The following AKT3 variants were observed in gnomAD, a reference collection of about 807,000 sequenced individuals.
The protein encoded by AKT3 is AKT serine/threonine kinase 3, also known as RAC-gamma serine/threonine-protein kinase.
A neutral mutation model predicts 65.3 loss-of-function variants in AKT3; 15 were observed. That is an observed-to-expected ratio of 0.23 (90% CI 0.15 to 0.35). AKT3 has a LOEUF of 0.35. AKT3 is among the 10% of genes least tolerant of loss of function. The probability of loss-of-function intolerance (pLI) is 1.00; values close to 1 mark genes in which losing one functional copy is unlikely to be tolerated. For synonymous variants in AKT3, 206 were observed against 183.8 expected (o/e 1.12, Z -0.98); for missense variants, 243 against 576.5 (o/e 0.42, Z 5.92).
At chr1:243,631,869 A>T (rs1679637136) in intron 6 of AKT3, among the ~76,000 whole-genome samples, 1 of 152,142 alleles carries the variant, frequency 6.6e-6, no homozygotes, top group Non-Finnish European at 1.5e-5. Context: ...GCAAATCCTC[A>T]TTTGTTCATG....
At chr1:243,599,179 G>A (rs151295354) in intron 8 of AKT3, among the ~76,000 whole-genome samples, 1 of 152,060 alleles carries the variant, frequency 6.6e-6, no homozygotes. Context: ...ACAAATAAAA[G>A]CTAACAAAAG....
chr1:243,679,738 C>G (rs972361119), intron 3 of AKT3, among the ~76,000 whole-genome samples: 2 of 152,098 alleles, frequency 1.3e-5, no homozygotes, highest in Non-Finnish European at 2.9e-5. Context: ...TCAGGCTTGT[C>G]AGTCTAAGCC....
At chr1:243,751,381 G>A (rs1244759072) in intron 2 of AKT3, among the ~76,000 whole-genome samples, 2 of 152,204 alleles carry the variant, frequency 1.3e-5, no homozygotes, top group Non-Finnish European at 1.5e-5. Flanking sequence ...TTAGATTTAC[G>A]TATCAAGAAA....
intron 2 of AKT3, among the ~76,000 whole-genome samples, chr1:243,698,777 A>T (rs1482429365): frequency 1.3e-5 from 2 of 152,128 alleles, no homozygotes. Context: ...TGTGATACTA[A>T]GCCAGAAGTA....
intron 2 of AKT3, among the ~76,000 whole-genome samples, chr1:243,809,096 A>G (rs536938046): frequency 1.3e-5 from 2 of 152,348 alleles, no homozygotes; most frequent in Admixed American, 1.3e-4. Flanking sequence ...TGTAAAGACC[A>G]TCAATGCTAG....
At chr1:243,529,394 T>C (rs1671370972) in intron 12 of AKT3, among the ~76,000 whole-genome samples, 1 of 152,136 alleles carries the variant, frequency 6.6e-6, no homozygotes, top group South Asian at 2.1e-4. Context: ...ATTTCCTAGG[T>C]TATCTTATAT....
intron 6 of AKT3, among the ~76,000 whole-genome samples, chr1:243,632,323 C>T (rs1288425860): frequency 6.6e-6 from 1 of 152,190 alleles, no homozygotes; most frequent in African/African-American, 2.4e-5. Flanking sequence ...CATTCATCTC[C>T]TTGTATATCT....
At chr1:243,526,476 G>A (rs369491769) in intron 12 of AKT3, among the ~76,000 whole-genome samples, 6 of 152,152 alleles carry the variant, frequency 3.9e-5, no homozygotes, top group South Asian at 2.1e-4. Flanking sequence ...TGGCTGTTCC[G>A]TCACGTCTAT....
At chr1:243,586,762 T>C (rs1675842919) in intron 8 of AKT3, among the ~76,000 whole-genome samples, 1 of 152,076 alleles carries the variant, frequency 6.6e-6, no homozygotes, top group African/African-American at 2.4e-5. Context: ...AAAAATTAAC[T>C]GTTGGGTACC....
intron 2 of AKT3, among the ~76,000 whole-genome samples, chr1:243,807,757 G>A (rs12067758): frequency 0.013 from 1,980 of 152,308 alleles, 37 homozygotes; most frequent in African/African-American, 0.045. Context: ...CCTGACCCCC[G>A]AGTAGCCTAA....
At chr1:243,535,936 T>C (rs906664949) in intron 12 of AKT3, among the ~76,000 whole-genome samples, 5 of 152,228 alleles carry the variant, frequency 3.3e-5, no homozygotes, top group African/African-American at 9.6e-5. Context: ...TAAAATGGTA[T>C]CTCACTGTGG....
chr1:243,713,645 C>A (rs1322036104), intron 2 of AKT3, among the ~76,000 whole-genome samples: 1 of 150,848 alleles, frequency 6.6e-6, no homozygotes, highest in Non-Finnish European at 1.5e-5. Context: ...AATATCTCCC[C>A]CTCCATCCTA....
intron 8 of AKT3, among the ~76,000 whole-genome samples, chr1:243,587,605 C>T (rs953944380): frequency 1.3e-5 from 2 of 151,944 alleles, no homozygotes; most frequent in Admixed American, 6.6e-5. Context: ...GGCAAGACTC[C>T]GTCTCAAAAA....
chr1:243,518,035 C>T (rs1670473920), intron 12 of AKT3, among the ~76,000 whole-genome samples: 1 of 152,230 alleles, frequency 6.6e-6, no homozygotes, highest in African/African-American at 2.4e-5. Context: ...AAAGCTGACA[C>T]TGGTTAAATG....
chr1:243,552,770 T>C lies in AKT3; in HGVS notation c.1122A>G (p.Lys374=). The C allele has an allele frequency of 2.5e-6, 4 of 1,613,974 alleles. No individual in the cohort carries two copies. Among genetic ancestry groups the C allele is most frequent in the Non-Finnish European group, 2.5e-6 (3 of 1,179,914 alleles). ...KFPRTLSSDA[K]SLLSGLLIKD... ...TTATCAAGAGCCCTGAAAGCAATGATTTTGCATCTGAAGAGAGTGTTCGAG... is the reference window on the plus strand; with the variant it reads ...TTATCAAGAGCCCTGAAAGCAATGACTTTGCATCTGAAGAGAGTGTTCGAG... The change falls in exon 11 of 14, where the codon AAA becomes AAG. Residue 374 remains lysine, a synonymous_variant. Coordinates refer to ENST00000673466, the MANE Select transcript of AKT3 (RefSeq NM_005465.7).
chr1:243,690,428 T>C (rs1684615648), intron 3 of AKT3, among the ~76,000 whole-genome samples: 2 of 152,242 alleles, frequency 1.3e-5, no homozygotes, highest in South Asian at 4.1e-4. Flanking sequence ...GCATGTTTCT[T>C]GTATATATCT....
rs167661 is a variant in AKT3 at position 243,665,004 on chromosome 1, T to A, written c.173-121A>T. 0.84 allele frequency: 341,367 copies of A among 405,360 alleles called. 144,325 individuals are homozygous for A. The highest frequency in any genetic ancestry group is 0.87 in the Non-Finnish European group (205,539 of 236,370). 25.1% of individuals were successfully genotyped at this position (405,360 alleles called of 1,614,324 possible). A position where few individuals can be genotyped will look rare whatever the true frequency, so the allele number is the denominator to read the frequency against. On this transcript the variant is annotated intron_variant, in intron 3 of 13. Coordinates refer to ENST00000673466, the MANE Select transcript of AKT3 (RefSeq NM_005465.7). The stretch of plus-strand genomic sequence containing the variant: ...AGTGCGAACTCACAGCTTTCTATGG[T>A]TCTCCACTCAAGATTATTTACAGCC...
chr1:243,675,409 C>T (rs1341521821), intron 3 of AKT3, among the ~76,000 whole-genome samples: 1 of 152,174 alleles, frequency 6.6e-6, no homozygotes, highest in Non-Finnish European at 1.5e-5. Flanking sequence ...CCATGTTAGC[C>T]AGGCTGGTCT....
At chr1:243,537,100 G>A (rs560519075) in intron 12 of AKT3, among the ~76,000 whole-genome samples, 6 of 152,186 alleles carry the variant, frequency 3.9e-5, no homozygotes, top group African/African-American at 9.6e-5. Flanking sequence ...ACTCTGGCAC[G>A]ATGCTTCACA....
Sources: gnomAD v4.1 joint callset for allele counts (sites outside exome capture counted in the v4.1 genomes callset) on GRCh38, gnomAD v4.1.1 for gene constraint, MANE v1.5 for transcripts, NCBI Gene and HGNC (gene_info 2026-07-23, HGNC 2026-07-21) for gene names.